Variants in PID1 observed in about 807,000 individuals in gnomAD.
The protein encoded by PID1 is phosphotyrosine interaction domain containing 1.
PID1 carries 10 observed loss-of-function variants against 19.1 expected under a neutral mutation model. The observed-to-expected ratio is 0.52, with a 90% confidence interval of 0.32 to 0.89. The LOEUF is 0.89. Among genes scored for constraint, PID1 ranks in the 40% least tolerant of loss-of-function variants. PID1 has a pLI of 0.03. For synonymous variants in PID1, 130 were observed against 116.0 expected (o/e 1.12, Z -0.78); for missense variants, 248 against 285.3 (o/e 0.87, Z 0.94).
intron 2 of PID1, among the ~76,000 whole-genome samples, chr2:229,090,941 G>T (rs1205153808): frequency 6.6e-6 from 1 of 152,146 alleles, no homozygotes; most frequent in African/African-American, 2.4e-5. Context: ...TCTGGCTGAG[G>T]TTCCTCTATT....
chr2:229,074,237 A>T (rs1694513354), intron 2 of PID1, among the ~76,000 whole-genome samples: 2 of 152,192 alleles, frequency 1.3e-5, no homozygotes, highest in South Asian at 4.1e-4. Flanking sequence ...CTGTCAACAG[A>T]TACCCACTCC....
chr2:229,149,049 ATT>A (rs1362023733), intron 2 of PID1, among the ~76,000 whole-genome samples: 2 of 149,106 alleles, frequency 1.3e-5, no homozygotes, highest in South Asian at 2.1e-4. Flanking sequence ...ATATATATAT[ATT>A]ATATTAGATT....
chr2:229,199,720 TTA>T (rs55942947), intron 1 of PID1, among the ~76,000 whole-genome samples: 11,373 of 132,018 alleles, frequency 0.086, 695 homozygotes, highest in East Asian at 0.38. Flanking sequence ...AATATCTAAT[TTA>T]TATATATATA....
chr2:229,189,691 C>T (rs1691215200), intron 1 of PID1, among the ~76,000 whole-genome samples: 1 of 152,148 alleles, frequency 6.6e-6, no homozygotes, highest in Non-Finnish European at 1.5e-5. Flanking sequence ...GAGTGAAACT[C>T]CATCAACAAC....
intron 1 of PID1, among the ~76,000 whole-genome samples, chr2:229,209,804 T>G (rs942143371): frequency 1.3e-5 from 2 of 152,130 alleles, no homozygotes; most frequent in African/African-American, 4.8e-5. Context: ...AGTATAATAG[T>G]CCCTCCATGC....
intron 1 of PID1, among the ~76,000 whole-genome samples, chr2:229,248,374 C>A (rs1317673806): frequency 6.6e-6 from 1 of 152,142 alleles, no homozygotes; most frequent in Non-Finnish European, 1.5e-5. Context: ...TGCGTTGTAT[C>A]AGGAGGCAGA....
chr2:229,052,527 G>T (rs147392537), intron 2 of PID1, among the ~76,000 whole-genome samples: 216 of 148,580 alleles, frequency 1.5e-3, no homozygotes, highest in African/African-American at 5.1e-3. Context: ...TGTTATTTTT[G>T]ATGGGACTTG....
rs372985289 is a variant in PID1 at position 229,141,473 on chromosome 2, GCAC to G, written c.177+14342_177+14344del. On this transcript the variant is annotated intron_variant, in intron 2 of 2. Coordinates refer to ENST00000392055, the MANE Select transcript of PID1 (RefSeq NM_001100818.2). ...TGTCTGGTAAGTAAGCACCTGTTTT[GCAC>G]CACCTCATGAATAGACTAATAGGAA... Among the ~76,000 whole-genome samples, 21 of 152,212 alleles carry G rather than the reference GCAC, an allele frequency of 1.4e-4. No homozygotes were observed. The South Asian group carries it at 3.3e-3, about 24-fold the overall frequency.
chr2:229,252,536 T>C (rs1004520058), intron 1 of PID1, among the ~76,000 whole-genome samples: 2 of 152,162 alleles, frequency 1.3e-5, no homozygotes, highest in African/African-American at 4.8e-5. Context: ...AAAATGCCAA[T>C]TGTCTGGGTC....
intron 2 of PID1, among the ~76,000 whole-genome samples, chr2:229,109,401 T>C (rs1056734941): frequency 1.3e-5 from 2 of 152,162 alleles, no homozygotes; most frequent in Non-Finnish European, 2.9e-5. Flanking sequence ...AACCTGTGTA[T>C]GTCAGTCACA....
intron 2 of PID1, among the ~76,000 whole-genome samples, chr2:229,051,664 A>T (rs1486315466): frequency 3.3e-5 from 5 of 152,152 alleles, no homozygotes; most frequent in African/African-American, 9.7e-5. Context: ...GTCCATTACC[A>T]TTACATAACA....
At chr2:229,148,588 T>C (rs1690184046) in intron 2 of PID1, among the ~76,000 whole-genome samples, 1 of 152,088 alleles carries the variant, frequency 6.6e-6, no homozygotes, top group Non-Finnish European at 1.5e-5. Flanking sequence ...TCCTTAAATA[T>C]CAGAGGCAGG....
In PID1 at chr2:229,200,035, T is replaced by C. The variant is rs571821562; in HGVS notation, c.31-44071A>G. 2.0e-5 allele frequency among the ~76,000 whole-genome samples: 3 copies of C among 152,014 alleles called. No homozygotes were observed. In the East Asian group the frequency reaches 5.8e-4, roughly 30 times the overall value. On this transcript the variant is annotated intron_variant, in intron 1 of 2. Transcript: ENST00000392055. ...CTTGAAACTCATGCCTTCTTCTCCT[T>C]GTTCTGAAAGAAGCACAGGTTCCGG...
intron 1 of PID1, among the ~76,000 whole-genome samples, chr2:229,199,838 C>G (rs1381798147): frequency 6.6e-6 from 1 of 151,006 alleles, no homozygotes; most frequent in African/African-American, 2.4e-5. Flanking sequence ...TTTGAGAATT[C>G]TGCAAGTCAG....
intron 2 of PID1, among the ~76,000 whole-genome samples, chr2:229,114,231 C>T (rs1331871246): frequency 6.6e-6 from 1 of 150,962 alleles, no homozygotes; most frequent in African/African-American, 2.4e-5. Context: ...CCAGTCGGTT[C>T]TGTTTCTTTG....
chr2:229,108,183 G>A (rs2106145177), intron 2 of PID1, among the ~76,000 whole-genome samples: 1 of 152,242 alleles, frequency 6.6e-6, no homozygotes, highest in East Asian at 1.9e-4. Flanking sequence ...AGACTCCTAT[G>A]TAAGAGTTAG....
At chr2:229,119,531 C>T (rs1695476626) in intron 2 of PID1, among the ~76,000 whole-genome samples, 1 of 152,160 alleles carries the variant, frequency 6.6e-6, no homozygotes, top group East Asian at 1.9e-4. Context: ...ACTCTTGCCT[C>T]TTAAGGGAAT....
chr2:229,179,813 T>C (rs1690900868), intron 1 of PID1, among the ~76,000 whole-genome samples: 1 of 152,194 alleles, frequency 6.6e-6, no homozygotes, highest in Non-Finnish European at 1.5e-5. Context: ...GTCATTTGTT[T>C]GTCCTGGATT....
chr2:229,057,219 C>G (rs973990500), intron 2 of PID1, among the ~76,000 whole-genome samples: 1 of 152,092 alleles, frequency 6.6e-6, no homozygotes, highest in Non-Finnish European at 1.5e-5. Flanking sequence ...GGGCAGATTA[C>G]TTGAGGTCAG....
Sources: gnomAD v4.1 joint callset for allele counts (sites outside exome capture counted in the v4.1 genomes callset) on GRCh38, gnomAD v4.1.1 for gene constraint, MANE v1.5 for transcripts, NCBI Gene and HGNC (gene_info 2026-07-23, HGNC 2026-07-21) for gene names.